INTS14: variants seen among roughly 807,000 people sequenced by gnomAD.
INTS14 encodes UPF0464 protein C15orf44.
In INTS14, 27 loss-of-function variants were observed where a neutral mutation model predicts 56.9. The observed-to-expected ratio is 0.47, with a 90% CI of 0.35 to 0.65. The LOEUF (loss-of-function observed/expected upper bound fraction) is 0.65. Ranked by LOEUF, INTS14 falls within the 30% of genes least tolerant of loss-of-function variation. The pLI, the probability that INTS14 is intolerant of heterozygous loss-of-function variation, is 0.00. For missense variants in INTS14, 517 were observed against 632.2 expected (o/e 0.82, Z 1.95); for synonymous variants, 207 against 236.2 (o/e 0.88, Z 1.13).
At chr15:65,597,363 C>A (rs1288906817) in intron 6 of INTS14, among the ~76,000 whole-genome samples, 3 of 152,174 alleles carry the variant, frequency 2.0e-5, no homozygotes, top group Non-Finnish European at 4.4e-5. Context: ...TGCTGGACAT[C>A]AAGGCTGTAA....
At chr15:65,603,174 C>T (rs558935397) in intron 3 of INTS14, among the ~76,000 whole-genome samples, 153 of 152,158 alleles carry the variant, frequency 1.0e-3, no homozygotes, top group African/African-American at 3.3e-3. Context: ...TTTTTTATTT[C>T]AGAAAAGAAA....
intron 10 of INTS14, among the ~76,000 whole-genome samples, chr15:65,583,710 C>T (rs1302756380): frequency 6.6e-6 from 1 of 151,258 alleles, no homozygotes; most frequent in African/African-American, 2.4e-5. Flanking sequence ...AAAAATAAAC[C>T]CAAGATAGTA....
chr15:65,610,015 A>G (rs1291726564), intron 1 of INTS14, among the ~76,000 whole-genome samples: 1 of 151,344 alleles, frequency 6.6e-6, no homozygotes, highest in Non-Finnish European at 1.5e-5. Context: ...CTCAGGTTGG[A>G]GTAAAGGAGG....
chr15:65,579,109 C>G lies in INTS14; in HGVS notation c.*299G>C, dbSNP rs2072477605. The G allele has an allele frequency of 3.9e-6, 1 of 254,870 alleles. No individual in the cohort carries two copies. Among genetic ancestry groups the G allele is most frequent in the East Asian group, 8.6e-5 (1 of 11,580 alleles). The allele number at this position is 254,870 out of a possible 1,614,324, so 15.8% of individuals were successfully genotyped here. A position where few individuals can be genotyped will look rare whatever the true frequency, so the allele number is the denominator to read the frequency against. ...TGCCGGTCAGGTTTCCTGAGGAAGG[C>G]AGGGGTGCTCTATGCTCATCAGTCA... On this transcript the variant is annotated 3_prime_UTR_variant, in exon 12 of 12. Transcript: ENST00000313182.
chr15:65,604,617 C>T (rs1311554625), intron 3 of INTS14, among the ~76,000 whole-genome samples: 1 of 151,102 alleles, frequency 6.6e-6, no homozygotes, highest in Non-Finnish European at 1.5e-5. Flanking sequence ...GTAGTCTCAG[C>T]TACTCAGGAG....
chr15:65,596,317 CA>C (rs1395866043), intron 6 of INTS14, among the ~76,000 whole-genome samples: 1 of 151,896 alleles, frequency 6.6e-6, no homozygotes, highest in Non-Finnish European at 1.5e-5. Flanking sequence ...TAGTAAAGAC[CA>C]AAAGTATTTG....
chr15:65,593,836 AG>A lies in INTS14; in HGVS notation c.842-265del, dbSNP rs567011080. 1.1e-3 allele frequency among the ~76,000 whole-genome samples: 158 copies of A among 150,386 alleles called. No individual in the cohort carries two copies. The Middle Eastern group carries it at 0.02, about 19-fold the overall frequency. ...AAGGATATTAGTGGTTATTTGGGGT[AG>A]GGGAAATGGGGGGAGGGGTCTGGGA... is the stretch of plus-strand genomic sequence containing the variant. On this transcript the variant is annotated intron_variant, in intron 7 of 11. Transcript: ENST00000313182.
intron 10 of INTS14, among the ~76,000 whole-genome samples, chr15:65,583,037 A>C (rs1342411729): frequency 6.6e-6 from 1 of 152,170 alleles, no homozygotes; most frequent in East Asian, 1.9e-4. Flanking sequence ...AAAGGAAAAC[A>C]ATGAGTATTG....
At chr15:65,600,719 A>G (rs955788308) in intron 3 of INTS14, among the ~76,000 whole-genome samples, 3 of 152,120 alleles carry the variant, frequency 2.0e-5, no homozygotes, top group Admixed American at 2.0e-4. Flanking sequence ...CCCACTCCAC[A>G]TTATAGGATA....
chr15:65,579,242 A>T lies in INTS14; in HGVS notation c.*166T>A. 1 of 958,768 alleles carries T rather than the reference A, an allele frequency of 1.0e-6. No individual in the cohort carries two copies. The highest frequency in any genetic ancestry group is 2.6e-5 in the East Asian group (1 of 37,938). 59.4% of individuals were successfully genotyped at this position (958,768 alleles called of 1,614,324 possible). A position where few individuals can be genotyped will look rare whatever the true frequency, so the allele number is the denominator to read the frequency against. ...AGCCCAACCAGCCAACCACCTTCAC[A>T]TCCTTCTCATACTAGTAGAGTCATT... is the stretch of plus-strand genomic sequence containing the variant. On this transcript the variant is annotated 3_prime_UTR_variant, in exon 12 of 12. Coordinates refer to ENST00000313182, the MANE Select transcript of INTS14 (RefSeq NM_001394796.1).
chr15:65,580,790 A>G (rs2141241768), intron 11 of INTS14, among the ~76,000 whole-genome samples: 1 of 152,336 alleles, frequency 6.6e-6, no homozygotes, highest in South Asian at 2.1e-4. Flanking sequence ...GGGGAGAATC[A>G]AGGAGCAAAC....
chr15:65,603,993 C>T (rs1386006496), intron 3 of INTS14, among the ~76,000 whole-genome samples: 1 of 152,164 alleles, frequency 6.6e-6, no homozygotes, highest in East Asian at 1.9e-4. Context: ...CTGTATAGAA[C>T]AAATTTCCAG....
At chr15:65,606,819 T>G (rs2073671382) in intron 2 of INTS14, among the ~76,000 whole-genome samples, 1 of 152,180 alleles carries the variant, frequency 6.6e-6, no homozygotes, top group African/African-American at 2.4e-5. Flanking sequence ...TCCTCAAGTT[T>G]TATGGGAGAG....
intron 6 of INTS14, among the ~76,000 whole-genome samples, chr15:65,597,664 T>A (rs1160332985): frequency 1.3e-5 from 2 of 152,152 alleles, no homozygotes; most frequent in East Asian, 3.9e-4. Context: ...GCCTAGCCAA[T>A]AAGAACTAGA....
rs951953717 is a variant in INTS14 at position 65,579,009 on chromosome 15, G to C, written c.*399C>G. On this transcript the variant is annotated 3_prime_UTR_variant, in exon 12 of 12. Coordinates refer to ENST00000313182, the MANE Select transcript of INTS14 (RefSeq NM_001394796.1). ...GTCTGAGTTGCTCATTCCATGAACA[G>C]AAGCTTGAAAATGCCCTTACAGTTG... is the stretch of plus-strand genomic sequence containing the variant. The C allele has an allele frequency of 5.9e-6, 1 of 169,052 alleles. No individual in the cohort carries two copies. The highest frequency in any genetic ancestry group is 1.3e-5 in the Non-Finnish European group (1 of 78,440). 10.5% of individuals were successfully genotyped at this position (169,052 alleles called of 1,614,324 possible).
At chr15:65,591,334 T>C (rs564758554) in intron 9 of INTS14, among the ~76,000 whole-genome samples, 2 of 152,288 alleles carry the variant, frequency 1.3e-5, no homozygotes, top group East Asian at 1.9e-4. Context: ...AAAAAAATTA[T>C]GGAGATTAGT....
At position 65,598,860 on chromosome 15, in the gene INTS14, G is replaced by A; in HGVS notation, c.605+12C>T. 3.8e-6 allele frequency: 6 copies of A among 1,590,436 alleles called. No individual in the cohort carries two copies. The highest frequency in any genetic ancestry group is 5.2e-6 in the Non-Finnish European group (6 of 1,160,472). On this transcript the variant is annotated intron_variant, in intron 5 of 11. Transcript: ENST00000313182. ...TGTAAAGAAGGCAAAAGAGCTCTAA[G>A]CATATACTCACCCAAACATAGACTG... is the stretch of plus-strand genomic sequence containing the variant.
chr15:65,591,571 A>G, intron 9 of INTS14, 27 bp downstream of exon 9: 1 of 1,608,182 alleles, frequency 6.2e-7, no homozygotes, highest in Admixed American at 1.7e-5. Context: ...CAAAGTCAGG[A>G]TAAGTAAAAT....
At chr15:65,589,791 C>A (rs538775835) in intron 9 of INTS14, among the ~76,000 whole-genome samples, 2 of 152,194 alleles carry the variant, frequency 1.3e-5, no homozygotes, top group Admixed American at 6.5e-5. Context: ...TGAACCACTG[C>A]CCTGAGCAAT....
Sources: allele counts gnomAD v4.1 joint callset (sites outside exome capture counted in the v4.1 genomes callset), GRCh38; gene constraint gnomAD v4.1.1; transcripts MANE v1.5; gene names NCBI Gene and HGNC (gene_info 2026-07-23, HGNC 2026-07-21).